RBFOX1: variants seen among roughly 807,000 people sequenced by gnomAD.
RBFOX1 encodes RNA binding fox-1 homolog 1, also known as RNA binding protein fox-1 homolog 1.
A neutral mutation model predicts 57.7 loss-of-function variants in RBFOX1; 8 were observed. The observed-to-expected ratio is 0.14, with a 90% CI of 0.08 to 0.25. The LOEUF (loss-of-function observed/expected upper bound fraction) is 0.25. RBFOX1 is among the 10% of genes least tolerant of loss of function. The pLI, the probability that RBFOX1 is intolerant of heterozygous loss-of-function variation, is 1.00. For synonymous variants in RBFOX1, 326 were observed against 222.4 expected (o/e 1.47, Z -4.15); for missense variants, 611 against 548.5 (o/e 1.11, Z -1.14).
intron 12 of RBFOX1, among the ~76,000 whole-genome samples, chr16:7,663,532 T>TG (rs1555736041): frequency 6.6e-6 from 1 of 150,510 alleles, no homozygotes; most frequent in African/African-American, 2.5e-5. Context: ...TGTGTGTGTG[T>TG]TGTAAAATGC....
At chr16:6,898,867 A>G (rs2067664323) in intron 3 of RBFOX1, among the ~76,000 whole-genome samples, 1 of 147,194 alleles carries the variant, frequency 6.8e-6, no homozygotes, top group Non-Finnish European at 1.5e-5. Context: ...TATATTACAC[A>G]CATGTACACG....
intron 3 of RBFOX1, among the ~76,000 whole-genome samples, chr16:6,669,740 C>T (rs746488682): frequency 1.3e-5 from 2 of 152,040 alleles, no homozygotes; most frequent in Non-Finnish European, 2.9e-5. Context: ...TTTCTGGGTG[C>T]TTTGGAGGAC....
At chr16:7,226,157 T>G (rs2093102779) in intron 4 of RBFOX1, among the ~76,000 whole-genome samples, 1 of 152,084 alleles carries the variant, frequency 6.6e-6, no homozygotes, top group Non-Finnish European at 1.5e-5. Context: ...TTTACAATCA[T>G]GAAAGGTAAC....
intron 3 of RBFOX1, among the ~76,000 whole-genome samples, chr16:6,968,331 A>G (rs939189569): frequency 2.0e-5 from 3 of 152,232 alleles, no homozygotes; most frequent in Non-Finnish European, 2.9e-5. Context: ...AAACAATGCA[A>G]ACATTTCATT....
intron 5 of RBFOX1, among the ~76,000 whole-genome samples, chr16:7,551,846 G>A (rs895138827): frequency 3.9e-5 from 6 of 152,078 alleles, no homozygotes; most frequent in Admixed American, 6.6e-5. Context: ...AACATACTAC[G>A]GATGGTATGG....
chr16:5,809,148 C>A (rs1263104565), intron 3 of RBFOX1, among the ~76,000 whole-genome samples: 1 of 152,188 alleles, frequency 6.6e-6, no homozygotes, highest in African/African-American at 2.4e-5. Flanking sequence ...GGATCCCTTC[C>A]TTACACCTTA....
intron 1 of RBFOX1, among the ~76,000 whole-genome samples, chr16:6,091,373 C>T (rs1025076956): frequency 1.3e-5 from 2 of 152,208 alleles, no homozygotes; most frequent in Non-Finnish European, 2.9e-5. Context: ...AGCACATTGT[C>T]ATACTCTCTC....
chr16:6,414,832 A>G (rs1026254876), intron 2 of RBFOX1, among the ~76,000 whole-genome samples: 2 of 152,142 alleles, frequency 1.3e-5, no homozygotes, highest in Non-Finnish European at 2.9e-5. Context: ...CAACTGGAAG[A>G]GGTTAGGGAG....
rs755273285 is a variant in RBFOX1 at position 6,428,285 on chromosome 16, CA to C, written c.-64+111252del. 9.5e-3 allele frequency among the ~76,000 whole-genome samples: 485 copies of C among 51,234 alleles called. 2 individuals are homozygous for C. Among genetic ancestry groups the C allele is most frequent in the East Asian group, 0.021 (40 of 1,912 alleles). The allele number at this position is 51,234 out of a possible 152,430, so 33.6% of individuals were successfully genotyped here. ...TGGACAACAGAGGGAGACCTTGTCT[CA>C]AAAAAAAAAAAAAAAAAAAAAAAGT... On this transcript the variant is annotated intron_variant, in intron 2 of 15. Transcript: ENST00000550418.
chr16:7,517,523 G>A (rs1020876148), intron 4 of RBFOX1, among the ~76,000 whole-genome samples: 4 of 139,374 alleles, frequency 2.9e-5, no homozygotes, highest in African/African-American at 1.1e-4. Context: ...TTGGCACTGG[G>A]GACATCATAC....
intron 1 of RBFOX1, among the ~76,000 whole-genome samples, chr16:6,150,951 C>T (rs938655560): frequency 2.6e-5 from 4 of 152,166 alleles, no homozygotes; most frequent in African/African-American, 7.2e-5. Flanking sequence ...GTGCTAGCCT[C>T]TTGGTATTTT....
intron 4 of RBFOX1, among the ~76,000 whole-genome samples, chr16:7,096,891 C>A (rs1275397841): frequency 7.4e-6 from 1 of 134,428 alleles, no homozygotes; most frequent in Non-Finnish European, 1.5e-5. Flanking sequence ...GAGATCGTAC[C>A]ACTGCACTCT....
chr16:5,432,190 C>G (rs1313613671), intron 1 of RBFOX1, among the ~76,000 whole-genome samples: 1 of 152,054 alleles, frequency 6.6e-6, no homozygotes, highest in Non-Finnish European at 1.5e-5. Flanking sequence ...ACATCACAAC[C>G]ATTAGAAATC....
chr16:6,488,498 C>G (rs1000217871), intron 2 of RBFOX1, among the ~76,000 whole-genome samples: 1 of 152,164 alleles, frequency 6.6e-6, no homozygotes, highest in Non-Finnish European at 1.5e-5. Context: ...GTTCTTACAA[C>G]TCTGCAAGGT....
chr16:6,917,769 TCTC>T (rs1438040578), intron 3 of RBFOX1, among the ~76,000 whole-genome samples: 1 of 152,182 alleles, frequency 6.6e-6, no homozygotes, highest in Non-Finnish European at 1.5e-5. Context: ...CAGGGCTTGT[TCTC>T]CTCCTCTGTG....
chr16:6,236,702 C>G (rs1214055508), intron 1 of RBFOX1, among the ~76,000 whole-genome samples: 1 of 152,164 alleles, frequency 6.6e-6, no homozygotes, highest in Non-Finnish European at 1.5e-5. Context: ...CCACCCACCT[C>G]AGACTCCTAA....
chr16:7,379,084 G>A (rs1184434243), intron 4 of RBFOX1, among the ~76,000 whole-genome samples: 1 of 152,114 alleles, frequency 6.6e-6, no homozygotes, highest in African/African-American at 2.4e-5. Context: ...TACTGGGTAT[G>A]TTTCTGGCCA....
chr16:7,629,849 G>A (rs937442824), intron 10 of RBFOX1, among the ~76,000 whole-genome samples: 2 of 152,236 alleles, frequency 1.3e-5, no homozygotes, highest in African/African-American at 2.4e-5. Flanking sequence ...GAGCTAGGCA[G>A]CCTTTCTGGC....
At chr16:7,114,736 A>T (rs928890249) in intron 4 of RBFOX1, among the ~76,000 whole-genome samples, 1 of 152,156 alleles carries the variant, frequency 6.6e-6, no homozygotes, top group Non-Finnish European at 1.5e-5. Flanking sequence ...GAGTCCTGCT[A>T]GGTGCATGGA....
Sources: allele counts gnomAD v4.1 joint callset (sites outside exome capture counted in the v4.1 genomes callset), GRCh38; gene constraint gnomAD v4.1.1; transcripts MANE v1.5; gene names NCBI Gene and HGNC (gene_info 2026-07-23, HGNC 2026-07-21).